The following NCALD variants were observed in gnomAD, a reference collection of about 807,000 sequenced individuals.
NCALD encodes neurocalcin-delta.
In NCALD, 10 loss-of-function variants were observed where a neutral mutation model predicts 18.6. The observed-to-expected ratio is 0.54, with a 90% CI of 0.33 to 0.91. The LOEUF (loss-of-function observed/expected upper bound fraction) is 0.91. Among genes scored for constraint, NCALD ranks in the 40% least tolerant of loss-of-function variants. The pLI, the probability that NCALD is intolerant of heterozygous loss-of-function variation, is 0.03. For missense variants in NCALD, 184 were observed against 247.6 expected, an observed-to-expected ratio of 0.74 and a Z score of 1.72; for synonymous variants, 88 against 87.4, an observed-to-expected ratio of 1.01 and a Z score of -0.04.
At chr8:101,727,254 G>T (rs1419120512) in intron 1 of NCALD, among the ~76,000 whole-genome samples, 1 of 152,200 alleles carries the variant, frequency 6.6e-6, no homozygotes, top group Non-Finnish European at 1.5e-5. Context: ...TCAGCAAGCT[G>T]TTGGATCTGC....
intron 4 of NCALD, among the ~76,000 whole-genome samples, chr8:101,829,660 A>G (rs779444634): frequency 6.6e-3 from 116 of 17,676 alleles, no homozygotes; most frequent in Non-Finnish European, 0.023. Context: ...CATACGTGGC[A>G]CACACACACA....
intron 1 of NCALD, among the ~76,000 whole-genome samples, chr8:102,107,849 A>G (rs1324305735): frequency 6.6e-6 from 1 of 152,164 alleles, no homozygotes; most frequent in African/African-American, 2.4e-5. Flanking sequence ...GTTCCAAATA[A>G]GACATAGCGT....
At chr8:101,895,023 A>C (rs1246577133) in intron 3 of NCALD, among the ~76,000 whole-genome samples, 2 of 150,516 alleles carry the variant, frequency 1.3e-5, no homozygotes, top group Admixed American at 6.6e-5. Flanking sequence ...TGAGGCCAGC[A>C]TCATTCTGAT....
At chr8:101,749,920 G>A (rs565834601) in intron 1 of NCALD, 1 of 152,484 alleles carries the variant, frequency 6.6e-6, no homozygotes, top group East Asian at 1.9e-4. Context: ...CAGCTGGATG[G>A]TGGTGTACTT....
chr8:101,789,594 T>A (rs1444406057), intron 1 of NCALD, among the ~76,000 whole-genome samples: 1 of 152,198 alleles, frequency 6.6e-6, no homozygotes, highest in African/African-American at 2.4e-5. Context: ...AAACAATATA[T>A]TCTTGCACTA....
intron 1 of NCALD, 129 bp downstream of exon 1, chr8:101,790,733 G>A (rs1016786828): frequency 2.6e-5 from 4 of 152,162 alleles, no homozygotes; most frequent in Non-Finnish European, 4.4e-5. Flanking sequence ...ACTAGAAGCT[G>A]CTTCACATTT....
intron 1 of NCALD, among the ~76,000 whole-genome samples, chr8:101,752,447 C>A (rs1316304957): frequency 6.6e-6 from 1 of 152,138 alleles, no homozygotes; most frequent in Non-Finnish European, 1.5e-5. Context: ...TTGGATTAGT[C>A]CATAACAACT....
At chr8:101,692,969 C>T (rs1814803228) in intron 2 of NCALD, 73 bp from the exon 3 acceptor site, 1 of 1,100,268 alleles carries the variant, frequency 9.1e-7, no homozygotes, top group African/African-American at 1.5e-5. Flanking sequence ...ATTAAACCTC[C>T]CAAATGCGGG....
chr8:101,929,794 C>G lies in NCALD; in HGVS notation c.-156-13936G>C, dbSNP rs7010398. ...AAAATACAAATTATGGCCTGTAATT[C>G]CAGTACTTTGGGAGGCCTAGGCAGG... On this transcript the variant is annotated intron_variant, in intron 2 of 6. Coordinates refer to the NCALD transcript ENST00000311028. Among the ~76,000 whole-genome samples, 1,137 of 152,156 alleles carry G rather than the reference C, an allele frequency of 7.5e-3. 11 individuals are homozygous for G. Among genetic ancestry groups the G allele is most frequent in the African/African-American group, 0.025 (1,052 of 41,498 alleles).
At position 101,770,539 on chromosome 8, in the gene NCALD, C is replaced by T. The variant is rs116008939; in HGVS notation, c.-20+20323G>A. Among the ~76,000 whole-genome samples, 1,000 of 152,220 alleles carry T rather than the reference C, an allele frequency of 6.6e-3. 11 individuals carry two copies. Among genetic ancestry groups the T allele is most frequent in the African/African-American group, 0.022 (920 of 41,534 alleles). On this transcript the variant is annotated intron_variant, in intron 1 of 3. Coordinates refer to ENST00000220931, the MANE Select transcript of NCALD (RefSeq NM_032041.3). ...TGCAAACTCCTGGGGGGGCTTCCTG[C>T]AAAGAAGAAGCAGGCTGGCAAGTAG...
intron 2 of NCALD, among the ~76,000 whole-genome samples, chr8:101,959,423 A>G (rs1006514282): frequency 6.6e-6 from 1 of 152,082 alleles, no homozygotes; most frequent in Admixed American, 6.6e-5. Context: ...AGAGTAAATT[A>G]CTCATTTTTC....
chr8:101,983,153 T>C (rs1820685187), intron 2 of NCALD, among the ~76,000 whole-genome samples: 2 of 152,320 alleles, frequency 1.3e-5, no homozygotes, highest in South Asian at 2.1e-4. Context: ...AGCACATTTA[T>C]CACAGAAGTT....
At chr8:101,790,692 C>T (rs1038877907) in intron 1 of NCALD, among the ~76,000 whole-genome samples, 170 bp downstream of exon 1, 1 of 152,144 alleles carries the variant, frequency 6.6e-6, no homozygotes, top group African/African-American at 2.4e-5. Flanking sequence ...CAAATTTAAC[C>T]AAATTCCAGA....
chr8:102,054,583 G>A (rs2132233566), intron 1 of NCALD, among the ~76,000 whole-genome samples: 1 of 150,972 alleles, frequency 6.6e-6, no homozygotes, highest in Middle Eastern at 3.5e-3. Flanking sequence ...CTTTTCTCTG[G>A]GTCTCCAGAC....
chr8:102,007,452 G>A (rs549740854), intron 2 of NCALD, among the ~76,000 whole-genome samples: 3 of 152,168 alleles, frequency 2.0e-5, no homozygotes, highest in Admixed American at 6.5e-5. Flanking sequence ...TGTGGCTTGA[G>A]GACTGAACCT....
intron 1 of NCALD, among the ~76,000 whole-genome samples, chr8:102,086,333 G>A (rs1824737081): frequency 6.6e-6 from 1 of 152,154 alleles, no homozygotes; most frequent in Admixed American, 6.5e-5. Flanking sequence ...TGATGTTGGG[G>A]TTATTTTGAG....
intron 1 of NCALD, among the ~76,000 whole-genome samples, chr8:102,099,234 A>T (rs1405184692): frequency 1.3e-5 from 2 of 152,202 alleles, no homozygotes; most frequent in South Asian, 4.1e-4. Context: ...GAGTAGTAAA[A>T]ATGGCCTCCT....
At chr8:101,839,111 G>C (rs1382627293) in intron 4 of NCALD, among the ~76,000 whole-genome samples, 1 of 152,212 alleles carries the variant, frequency 6.6e-6, no homozygotes, top group African/African-American at 2.4e-5. Flanking sequence ...TGATGCCCAA[G>C]TGACTAAGAT....
intron 2 of NCALD, among the ~76,000 whole-genome samples, chr8:101,972,300 C>T (rs554628321): frequency 2.0e-4 from 30 of 152,292 alleles, no homozygotes; most frequent in Admixed American, 1.8e-3. Flanking sequence ...GGACTCTGGA[C>T]GGGCCACTCA....
Sources: allele counts gnomAD v4.1 joint callset (sites outside exome capture counted in the v4.1 genomes callset), GRCh38; gene constraint gnomAD v4.1.1; transcripts MANE v1.5; gene names NCBI Gene and HGNC (gene_info 2026-07-23, HGNC 2026-07-21).